The following FAAP20 variants were observed in gnomAD, a reference collection of about 807,000 sequenced individuals.
The protein encoded by FAAP20 is FA core complex associated protein 20.
FAAP20 carries 12 observed loss-of-function variants against 16.2 expected under a neutral mutation model. That is an observed-to-expected ratio of 0.74 (90% CI 0.48 to 1.20). The LOEUF is 1.20. Ranked by LOEUF, FAAP20 falls within the 50% of genes most tolerant of loss-of-function variation. The pLI, the probability that FAAP20 is intolerant of heterozygous loss-of-function variation, is 0.00. For synonymous variants in FAAP20, 141 were observed against 110.7 expected (o/e 1.27, Z -1.72); for missense variants, 288 against 245.8 (o/e 1.17, Z -1.15).
chr1:2,198,567 C>T (rs1688915683), upstream of FAAP20: 3 of 824,648 alleles, frequency 3.6e-6, no homozygotes, highest in Middle Eastern at 5.3e-4. Flanking sequence ...CAGGCTAAGA[C>T]AGCGGTGACG....
chr1:2,190,128 A>C, intron 3 of FAAP20: 1 of 518,176 alleles, frequency 1.9e-6, no homozygotes, highest in Non-Finnish European at 3.7e-6. Context: ...ACCCGGAGAA[A>C]AGGCAGGACG....
intron 1 of FAAP20, among the ~76,000 whole-genome samples, 183 bp downstream of exon 1, chr1:2,194,505 T>G (rs1249038896): frequency 9.1e-4 from 16 of 17,592 alleles, no homozygotes; most frequent in African/African-American, 2.0e-3. Flanking sequence ...AAGCTCGGCG[T>G]GGGGTGGGGG....
intron 1 of FAAP20, 86 bp downstream of exon 1, chr1:2,194,602 G>C: frequency 1.5e-6 from 1 of 676,954 alleles, no homozygotes; most frequent in Non-Finnish European, 1.9e-6. Context: ...CCCAGGGGGA[G>C]AATAGAGCGG....
downstream of FAAP20, among the ~76,000 whole-genome samples, chr1:2,187,626 C>A (rs369222613): frequency 3.3e-5 from 5 of 152,308 alleles, no homozygotes; most frequent in South Asian, 6.2e-4. Context: ...CTTAAGTAGG[C>A]ATATATCAGG....
downstream of FAAP20, chr1:2,187,143 TC>T (rs1687688302): frequency 2.1e-6 from 1 of 469,824 alleles, no homozygotes; most frequent in Non-Finnish European, 4.4e-6. Flanking sequence ...TGGCCGGCTC[TC>T]CTGTGGATGA....
chr1:2,190,765 CCACT>C, intron 3 of FAAP20: 1 of 285,670 alleles, frequency 3.5e-6, no homozygotes, highest in East Asian at 8.5e-5. Context: ...GGACACACCC[CCACT>C]GAGCGGCCAA....
chr1:2,187,287 TTTTTTTTTTCTTTTTC>T, downstream of FAAP20: 1 of 407,632 alleles, frequency 2.5e-6, no homozygotes, highest in Non-Finnish European at 4.9e-6. Context: ...GCCATTTTCT[TTTTTTTTTTCTTTTTC>T]TTTTTTTTTT....
At chr1:2,205,826 C>A (rs775191831) in intron 3 of FAAP20, among the ~76,000 whole-genome samples, 1 of 152,254 alleles carries the variant, frequency 6.6e-6, no homozygotes, top group Non-Finnish European at 1.5e-5. Context: ...GCCGGCGAAG[C>A]GCAGGGGGAG....
At position 2,194,710 on chromosome 1, in the gene FAAP20, G is replaced by C. The variant is rs1354466402; in HGVS notation, c.40C>G (p.Arg14Gly). The C allele has an allele frequency of 5.1e-6, 6 of 1,173,966 alleles. No homozygotes were observed. The highest frequency in any genetic ancestry group is 5.2e-6 in the Non-Finnish European group (5 of 953,584). The allele number at this position is 1,173,966 out of a possible 1,614,324, so 72.7% of individuals were successfully genotyped here. A position where few individuals can be genotyped will look rare whatever the true frequency, so the allele number is the denominator to read the frequency against. The change falls in exon 1 of 4, where the codon CGG becomes GGG. Residue 14 changes from arginine (R) to glycine (G), a missense_variant. Transcript: ENST00000378546. The part of the protein sequence containing the change: ...ARRPRLGLSR[R>G]RPRPAGGPSG... ...CACCCGCCCGCCGGGCGCGGCCTCC[G>C]GCGGCTCAACCCCAGCCGCGGCCTC...
intron 3 of FAAP20, chr1:2,192,760 C>T (rs984114925): frequency 2.6e-5 from 28 of 1,080,736 alleles, no homozygotes; most frequent in African/African-American, 3.3e-5. Flanking sequence ...ACCACAGGCA[C>T]GCGCCACCAC....
downstream of FAAP20, among the ~76,000 whole-genome samples, chr1:2,208,167 C>A (rs1030514138): frequency 2.0e-5 from 3 of 152,058 alleles, no homozygotes; most frequent in African/African-American, 7.2e-5. Flanking sequence ...AGAGCTCCCA[C>A]CCCTGGGCAC....
downstream of FAAP20, among the ~76,000 whole-genome samples, chr1:2,211,071 G>C (rs1190202986): frequency 6.6e-6 from 1 of 152,142 alleles, no homozygotes; most frequent in African/African-American, 2.4e-5. Flanking sequence ...CTCACTCTCA[G>C]GGGCTGGATG....
downstream of FAAP20, chr1:2,187,105 C>T (rs377403946): frequency 4.6e-4 from 210 of 459,060 alleles, no homozygotes; most frequent in Non-Finnish European, 8.8e-4. Flanking sequence ...GGGCGTGGTG[C>T]GGGGCAACTG....
chr1:2,201,910 G>A (rs1033306903), upstream of FAAP20, among the ~76,000 whole-genome samples: 2 of 151,462 alleles, frequency 1.3e-5, no homozygotes, highest in Non-Finnish European at 2.9e-5. Context: ...CCAGCTACTT[G>A]GGAGGCTGAG....
At chr1:2,196,476 T>A (rs540851417), upstream of FAAP20, among the ~76,000 whole-genome samples, 1 of 151,242 alleles carries the variant, frequency 6.6e-6, no homozygotes, top group African/African-American at 2.4e-5. The surrounding 1 kb of genome is among the most constrained non-coding windows in gnomAD (Gnocchi z 4.5). Context: ...GAGGATCACC[T>A]GAGCCCAGGT....
At chr1:2,194,791 C>G (rs1335257596), upstream of FAAP20, 4 of 1,097,834 alleles carry the variant, frequency 3.6e-6, no homozygotes, top group Non-Finnish European at 4.5e-6. Context: ...GCCCCGCCCC[C>G]GCCCCTCCAG....
chr1:2,196,325 G>A (rs537547043), upstream of FAAP20, among the ~76,000 whole-genome samples: 21 of 152,344 alleles, frequency 1.4e-4, no homozygotes, highest in African/African-American at 5.1e-4. The surrounding 1 kb of genome is among the most constrained non-coding windows in gnomAD (Gnocchi z 4.5). Context: ...ACTTGGGGAG[G>A]TCCAGGCAGG....
upstream of FAAP20, chr1:2,199,491 G>T (rs751062183): frequency 4.7e-5 from 47 of 992,758 alleles, no homozygotes; most frequent in Non-Finnish European, 5.6e-5. This position sits in a 1 kb window ranked among gnomAD's most constrained non-coding sequence, Gnocchi z 4.5. Context: ...TACCCAGGAG[G>T]GCGGTCCTGT....
chr1:2,207,909 CGTGTGT>C (rs58549960), downstream of FAAP20, among the ~76,000 whole-genome samples: 21,012 of 145,414 alleles, frequency 0.14, 1,608 homozygotes, highest in Middle Eastern at 0.22. Flanking sequence ...TGGTAACACC[CGTGTGT>C]GTGTGTGTGT....
Sources: gnomAD v4.1 joint callset for allele counts (sites outside exome capture counted in the v4.1 genomes callset) on GRCh38, gnomAD v4.1.1 for gene constraint, Gnocchi (gnomAD v3.1) non-coding constraint, MANE v1.5 for transcripts, NCBI Gene and HGNC (gene_info 2026-07-23, HGNC 2026-07-21) for gene names.